The following AHCYL2 variants were observed in gnomAD, a reference collection of about 807,000 sequenced individuals.
AHCYL2 encodes the protein adenosylhomocysteinase like 2, also known as S-adenosylhomocysteine hydrolase-like protein 2.
AHCYL2 carries 28 observed loss-of-function variants against 81.4 expected under a neutral mutation model. The observed-to-expected ratio is 0.34, with a 90% CI of 0.25 to 0.47. The LOEUF (loss-of-function observed/expected upper bound fraction) is 0.47, where lower values mean the gene tolerates loss of function less well. Among genes scored for constraint, AHCYL2 ranks in the 20% least tolerant of loss-of-function variants. The pLI is 1.00. For missense variants in AHCYL2, 551 were observed against 785.1 expected, an observed-to-expected ratio of 0.70 and a Z score of 3.56; for synonymous variants, 272 against 290.2, an observed-to-expected ratio of 0.94 and a Z score of 0.64.
At chr7:129,372,582 T>G (rs535451001) in intron 1 of AHCYL2, among the ~76,000 whole-genome samples, 1 of 152,146 alleles carries the variant, frequency 6.6e-6, no homozygotes, top group African/African-American at 2.4e-5. Flanking sequence ...CCAAGGTGGA[T>G]GGATCACCTG....
At chr7:129,403,691 G>A (rs1425139406) in intron 7 of AHCYL2, among the ~76,000 whole-genome samples, 14 of 151,486 alleles carry the variant, frequency 9.2e-5, no homozygotes, top group African/African-American at 2.2e-4. Flanking sequence ...GTGAAACCCC[G>A]TCTCTACTAA....
At chr7:129,243,636 C>T (rs1313941155) in intron 1 of AHCYL2, among the ~76,000 whole-genome samples, 1 of 152,054 alleles carries the variant, frequency 6.6e-6, no homozygotes. Flanking sequence ...GGCTGGAGTG[C>T]AGTGGCACCA....
intron 12 of AHCYL2, among the ~76,000 whole-genome samples, chr7:129,414,984 C>A (rs1397429113): frequency 6.6e-6 from 1 of 152,092 alleles, no homozygotes; most frequent in East Asian, 1.9e-4. Context: ...TCTATTCTTC[C>A]ATTATTAAAA....
At chr7:129,292,375 A>G (rs1450928355) in intron 1 of AHCYL2, among the ~76,000 whole-genome samples, 2 of 152,248 alleles carry the variant, frequency 1.3e-5, no homozygotes, top group Non-Finnish European at 2.9e-5. Flanking sequence ...TAGCATATGT[A>G]ATAGAGCCCA....
chr7:129,278,763 C>CTTT lies in AHCYL2; in HGVS notation c.363+53341_363+53343dup, dbSNP rs36037913. ...ATGGTACAAGGTTTGTATTGAAGCT[C>CTTT]TTTTTTTTTTTTTTTTTTTGCATAT... On this transcript the variant is annotated intron_variant, in intron 1 of 16. Transcript: ENST00000325006. Among the ~76,000 whole-genome samples the CTTT allele has an allele frequency of 3.6e-3, 401 of 111,350 alleles. 11 individuals are homozygous for CTTT. The highest frequency in any genetic ancestry group is 0.012 in the African/African-American group (348 of 29,514). The allele number at this position is 111,350 out of a possible 152,430, so 73.0% of individuals were successfully genotyped here. A position where few individuals can be genotyped will look rare whatever the true frequency, so the allele number is the denominator to read the frequency against.
In AHCYL2 at chr7:129,317,069, G is replaced by A. The variant is rs559721432; in HGVS notation, c.364-62569G>A. Among the ~76,000 whole-genome samples, 199 of 152,310 alleles carry A rather than the reference G, an allele frequency of 1.3e-3. 3 individuals carry two copies. The highest frequency in any genetic ancestry group is 1.8e-3 in the Admixed American group (28 of 15,298). On this transcript the variant is annotated intron_variant, in intron 1 of 16. Transcript: ENST00000325006. ...TTCAAGATAGGTCAAGGGAAAATTC[G>A]TTGATTCACTTAGAGACAGTTCTGT...
At chr7:129,243,216 G>C (rs1249765807) in intron 1 of AHCYL2, among the ~76,000 whole-genome samples, 1 of 151,376 alleles carries the variant, frequency 6.6e-6, no homozygotes, top group East Asian at 1.9e-4. Context: ...GTAGAGATGG[G>C]GTTTCACCAT....
chr7:129,255,668 A>G (rs927088085), intron 1 of AHCYL2, among the ~76,000 whole-genome samples: 2 of 152,210 alleles, frequency 1.3e-5, no homozygotes, highest in African/African-American at 2.4e-5. Flanking sequence ...GATGAACTCA[A>G]CGGAAGTTGA....
intron 12 of AHCYL2, among the ~76,000 whole-genome samples, chr7:129,414,393 AAGTAAT>A (rs1796740273): frequency 6.6e-6 from 1 of 151,586 alleles, no homozygotes; most frequent in Admixed American, 6.6e-5. Context: ...TAAGTTGCCC[AAGTAAT>A]AGTTAATAGA....
intron 1 of AHCYL2, among the ~76,000 whole-genome samples, chr7:129,296,916 C>T (rs1457674319): frequency 6.6e-6 from 1 of 152,160 alleles, no homozygotes; most frequent in East Asian, 1.9e-4. Context: ...CTGAAAATAG[C>T]CTTATAAAGG....
At chr7:129,313,497 A>G (rs1797729970) in intron 1 of AHCYL2, among the ~76,000 whole-genome samples, 1 of 152,180 alleles carries the variant, frequency 6.6e-6, no homozygotes, top group South Asian at 2.1e-4. Context: ...TCAGGTGTAG[A>G]AACAGAGAAA....
intron 1 of AHCYL2, among the ~76,000 whole-genome samples, chr7:129,285,581 A>T (rs182630111): frequency 6.6e-6 from 1 of 152,166 alleles, no homozygotes; most frequent in Non-Finnish European, 1.5e-5. Context: ...CTTACTGCCA[A>T]TCTTTCCCCA....
At chr7:129,413,741 C>A (rs1387377388) in intron 12 of AHCYL2, 53 bp downstream of exon 12, 3 of 1,467,478 alleles carry the variant, frequency 2.0e-6, no homozygotes, top group Non-Finnish European at 2.9e-6. Context: ...TCACAAGAAG[C>A]AAACTGGAAA....
intron 1 of AHCYL2, among the ~76,000 whole-genome samples, chr7:129,334,740 A>G (rs1282550962): frequency 6.6e-6 from 1 of 152,178 alleles, no homozygotes; most frequent in Non-Finnish European, 1.5e-5. Flanking sequence ...GAATTGAGAA[A>G]TGCTGTTTAA....
At chr7:129,256,170 C>A (rs980591657) in intron 1 of AHCYL2, among the ~76,000 whole-genome samples, 1 of 151,764 alleles carries the variant, frequency 6.6e-6, no homozygotes, top group Admixed American at 6.6e-5. Flanking sequence ...CAGTGTGTTA[C>A]AATTAGAATG....
At chr7:129,241,959 G>T (rs2081205718) in intron 1 of AHCYL2, among the ~76,000 whole-genome samples, 1 of 151,876 alleles carries the variant, frequency 6.6e-6, no homozygotes, top group Admixed American at 6.6e-5. Context: ...GGCCCACAAA[G>T]GTAACTTTGT....
intron 1 of AHCYL2, among the ~76,000 whole-genome samples, chr7:129,335,086 G>A (rs1798550136): frequency 6.6e-6 from 1 of 152,188 alleles, no homozygotes; most frequent in African/African-American, 2.4e-5. Context: ...GCAGAAAAGA[G>A]AAGTAAAGCA....
Position 129,427,036 on chromosome 7 carries a change from C to T in AHCYL2, c.1830-3C>T. ...ACAGTCTCATCTTTCTTTTTCCCTC[C>T]AGGTATTAAGTTCCTGTAACTCAAA... On this transcript the variant is annotated splice_polypyrimidine_tract_variant and splice_region_variant and intron_variant, in intron 16 of 16. Transcript: ENST00000325006. The surrounding 1 kb of genome is among the most constrained non-coding windows in gnomAD (Gnocchi z 5.5). 3.1e-6 allele frequency: 5 copies of T among 1,611,064 alleles called. No individual in the cohort carries two copies. Among genetic ancestry groups the T allele is most frequent in the Non-Finnish European group, 4.2e-6 (5 of 1,177,290 alleles).
intron 1 of AHCYL2, among the ~76,000 whole-genome samples, chr7:129,253,156 G>A (rs1008286383): frequency 6.6e-6 from 1 of 150,376 alleles, no homozygotes; most frequent in African/African-American, 2.5e-5. Flanking sequence ...GCAGTGAGCC[G>A]AGATTGTACC....
Sources: allele counts gnomAD v4.1 joint callset (sites outside exome capture counted in the v4.1 genomes callset), GRCh38; gene constraint gnomAD v4.1.1; non-coding constraint Gnocchi (gnomAD v3.1); transcripts MANE v1.5; gene names NCBI Gene and HGNC (gene_info 2026-07-23, HGNC 2026-07-21).